The following NDUFAF2 variants were observed in gnomAD, a reference collection of about 807,000 sequenced individuals.
The protein encoded by NDUFAF2 is NADH:ubiquinone oxidoreductase complex assembly factor 2.
Under a neutral mutation model 22.8 loss-of-function variants are expected in NDUFAF2, and 13 were observed. That is an observed-to-expected ratio of 0.57 (90% CI 0.37 to 0.91). The LOEUF is 0.91. Ranked by LOEUF, NDUFAF2 falls within the 40% of genes least tolerant of loss-of-function variation. The pLI, the probability that NDUFAF2 is intolerant of heterozygous loss-of-function variation, is 0.01. For synonymous variants in NDUFAF2, 53 were observed against 64.2 expected (o/e 0.83, Z 0.84); for missense variants, 162 against 195.2 (o/e 0.83, Z 1.01).
intron 1 of NDUFAF2, among the ~76,000 whole-genome samples, chr5:60,982,409 T>G (rs960357678): frequency 6.6e-6 from 1 of 152,102 alleles, no homozygotes; most frequent in Non-Finnish European, 1.5e-5. Flanking sequence ...TTTTAAATTT[T>G]TTGTTATACT....
chr5:61,098,499 T>A (rs1056013581), intron 2 of NDUFAF2, among the ~76,000 whole-genome samples: 1 of 152,242 alleles, frequency 6.6e-6, no homozygotes, highest in African/African-American at 2.4e-5. Flanking sequence ...AGCTAAGGCC[T>A]GATGATATTT....
intron 3 of NDUFAF2, among the ~76,000 whole-genome samples, chr5:61,144,544 T>C (rs2161199): frequency 0.046 from 7,075 of 152,272 alleles, 562 homozygotes; most frequent in African/African-American, 0.16. Flanking sequence ...TTTAATAGTA[T>C]AGACTGAGGA....
intron 3 of NDUFAF2, among the ~76,000 whole-genome samples, chr5:61,111,341 G>A (rs116481676): frequency 0.024 from 3,698 of 152,274 alleles, 62 homozygotes; most frequent in Non-Finnish European, 0.038. Context: ...TTGGTCTGTA[G>A]TGCAGATTAA....
intron 3 of NDUFAF2, among the ~76,000 whole-genome samples, chr5:61,107,941 T>A (rs1752789161): frequency 6.6e-6 from 1 of 150,382 alleles, no homozygotes; most frequent in Admixed American, 6.6e-5. Flanking sequence ...CTTGCGATAG[T>A]TTACTGAGAA....
chr5:61,042,591 GT>G (rs904045488), intron 1 of NDUFAF2, among the ~76,000 whole-genome samples: 14 of 152,008 alleles, frequency 9.2e-5, no homozygotes, highest in Non-Finnish European at 1.9e-4. Context: ...GCATGAGGGA[GT>G]TTTTTTATTA....
At chr5:61,070,596 TACAC>T (rs10651718) in intron 1 of NDUFAF2, among the ~76,000 whole-genome samples, 20,100 of 147,980 alleles carry the variant, frequency 0.14, 1,576 homozygotes, top group South Asian at 0.26. Context: ...TGTCTTTGCA[TACAC>T]ACACACACAC....
intron 1 of NDUFAF2, among the ~76,000 whole-genome samples, chr5:60,953,316 A>G (rs2112563698): frequency 6.6e-6 from 1 of 152,286 alleles, no homozygotes; most frequent in South Asian, 2.1e-4. Flanking sequence ...CAGTGGAACA[A>G]TATCTTTAAA....
At chr5:61,005,992 T>C (rs1751361416) in intron 1 of NDUFAF2, among the ~76,000 whole-genome samples, 1 of 152,182 alleles carries the variant, frequency 6.6e-6, no homozygotes, top group Admixed American at 6.5e-5. Context: ...TTGCTTTTGG[T>C]GTTTCAGACA....
intron 3 of NDUFAF2, among the ~76,000 whole-genome samples, chr5:61,127,739 A>C (rs561111683): frequency 6.6e-6 from 1 of 152,332 alleles, no homozygotes; most frequent in East Asian, 1.9e-4. Context: ...GGCACAAGAC[A>C]GGGATGCCTT....
intron 1 of NDUFAF2, among the ~76,000 whole-genome samples, chr5:61,052,540 G>C (rs1752038039): frequency 6.6e-6 from 1 of 152,106 alleles, no homozygotes. Flanking sequence ...TCGATCTCCT[G>C]ACCTCGTGAT....
intron 1 of NDUFAF2, among the ~76,000 whole-genome samples, chr5:61,039,499 C>A (rs1751845037): frequency 6.6e-6 from 1 of 152,130 alleles, no homozygotes; most frequent in African/African-American, 2.4e-5. Context: ...AAATTTCCAA[C>A]TGAATCTCAA....
At chr5:61,034,918 G>A (rs951359712) in intron 1 of NDUFAF2, among the ~76,000 whole-genome samples, 21 of 151,322 alleles carry the variant, frequency 1.4e-4, no homozygotes, top group African/African-American at 2.9e-4. Flanking sequence ...ATATATGTGT[G>A]TGTGTGTGTG....
intron 1 of NDUFAF2, among the ~76,000 whole-genome samples, chr5:61,046,890 G>A (rs1252327816): frequency 3.3e-5 from 5 of 152,090 alleles, no homozygotes; most frequent in Non-Finnish European, 7.4e-5. Context: ...TAATAGTGTT[G>A]CCCAAAATCA....
rs182965340 is a variant in NDUFAF2, at chr5:61,122,495, C to G, written c.258+23463C>G. On this transcript the variant is annotated intron_variant, in intron 3 of 3. Coordinates refer to ENST00000296597, the MANE Select transcript of NDUFAF2 (RefSeq NM_174889.5). ...TACAGAAATAATTCTGAACTCTACACTCATTTAACTATCTTTTGAAAAAGA... is the reference window on the plus strand; with the variant it reads ...TACAGAAATAATTCTGAACTCTACAGTCATTTAACTATCTTTTGAAAAAGA... Among the ~76,000 whole-genome samples, 364 of 152,254 alleles carry G rather than the reference C, an allele frequency of 2.4e-3. 2 individuals are homozygous for G. The highest frequency in any genetic ancestry group is 8.4e-3 in the African/African-American group (350 of 41,550).
At chr5:61,088,431 G>T (rs1412829634) in intron 2 of NDUFAF2, among the ~76,000 whole-genome samples, 1 of 152,024 alleles carries the variant, frequency 6.6e-6, no homozygotes, top group African/African-American at 2.4e-5. Flanking sequence ...ATTGCCTGGG[G>T]ACTATGGGTA....
intron 3 of NDUFAF2, among the ~76,000 whole-genome samples, chr5:61,126,312 G>C (rs1753035415): frequency 6.6e-6 from 1 of 151,842 alleles, no homozygotes; most frequent in African/African-American, 2.4e-5. Flanking sequence ...ACTGTTTCTA[G>C]CTTTTCTATA....
intron 3 of NDUFAF2, among the ~76,000 whole-genome samples, chr5:61,102,514 T>C (rs1006223211): frequency 6.6e-6 from 1 of 152,064 alleles, no homozygotes; most frequent in Non-Finnish European, 1.5e-5. Flanking sequence ...TACACAAATA[T>C]TAATTTAAGA....
intron 1 of NDUFAF2, among the ~76,000 whole-genome samples, chr5:60,975,593 AG>A (rs1170262294): frequency 3.3e-5 from 5 of 152,196 alleles, no homozygotes; most frequent in African/African-American, 9.7e-5. Context: ...GATCTCCTAC[AG>A]TCAGTATAGA....
chr5:61,136,567 T>C (rs1740951417), intron 3 of NDUFAF2, among the ~76,000 whole-genome samples: 1 of 152,188 alleles, frequency 6.6e-6, no homozygotes, highest in Non-Finnish European at 1.5e-5. Context: ...TCCTTCCCCT[T>C]GTGGCTTCTT....
Sources: allele counts gnomAD v4.1 joint callset (sites outside exome capture counted in the v4.1 genomes callset), GRCh38; gene constraint gnomAD v4.1.1; transcripts MANE v1.5; gene names NCBI Gene and HGNC (gene_info 2026-07-23, HGNC 2026-07-21).